Variants in ZNF354B observed in about 807,000 individuals in gnomAD.
The protein encoded by ZNF354B is zinc finger protein 354B.
ZNF354B carries 10 observed loss-of-function variants against 12.9 expected under a neutral mutation model. That is an observed-to-expected ratio of 0.77 (90% CI 0.48 to 1.31). ZNF354B has a LOEUF of 1.31. Ranked by LOEUF, ZNF354B falls within the 40% of genes most tolerant of loss-of-function variation. ZNF354B has a pLI of 0.00. For synonymous variants in ZNF354B, 260 were observed against 243.7 expected, an observed-to-expected ratio of 1.07 and a Z score of -0.62; for missense variants, 614 against 711.7, an observed-to-expected ratio of 0.86 and a Z score of 1.56.
intron 2 of ZNF354B, among the ~76,000 whole-genome samples, chr5:178,864,388 C>T (rs1757413188): frequency 3.3e-5 from 5 of 152,086 alleles, no homozygotes; most frequent in African/African-American, 7.2e-5. Context: ...CCATATAGCC[C>T]GGGTGTGTGG....
chr5:178,884,012 A>C lies in ZNF354B; in HGVS notation c.1560A>C (p.Lys520Asn). Residue 520 changes from lysine (K) to asparagine (N), a missense_variant, in exon 5 of 5, where the codon AAA becomes AAC. Coordinates refer to ENST00000322434, the MANE Select transcript of ZNF354B (RefSeq NM_058230.3). ...ACCAGAGAATTCATACTGGAGAGAAACCATATCGATGTTTAGAATGTGGGA... is the reference window on the plus strand; with the variant it reads ...ACCAGAGAATTCATACTGGAGAGAACCCATATCGATGTTTAGAATGTGGGA... ...SNHQRIHTGE[K>N]PYRCLECGMS... The C allele has an allele frequency of 1.2e-6, 2 of 1,614,130 alleles. No homozygotes were observed. The highest frequency in any genetic ancestry group is 2.2e-5 in the South Asian group (2 of 91,082).
At chr5:178,868,359 T>C (rs1186069075) in intron 4 of ZNF354B, among the ~76,000 whole-genome samples, 1 of 148,098 alleles carries the variant, frequency 6.8e-6, no homozygotes, top group Non-Finnish European at 1.5e-5. Flanking sequence ...GGAGGGGCCA[T>C]CGTGGCAGTG....
chr5:178,871,725 C>T (rs994475278), intron 4 of ZNF354B, among the ~76,000 whole-genome samples: 2 of 152,198 alleles, frequency 1.3e-5, no homozygotes, highest in Non-Finnish European at 2.9e-5. Flanking sequence ...GAGATACAGC[C>T]AGCAGGACTT....
At chr5:178,860,507 C>T (rs1033046043) in intron 1 of ZNF354B, among the ~76,000 whole-genome samples, 3 of 152,288 alleles carry the variant, frequency 2.0e-5, no homozygotes, top group African/African-American at 7.2e-5. Flanking sequence ...GCGCTTTCCT[C>T]TTCAAAGCCG....
At chr5:178,867,645 C>G (rs551306303) in intron 4 of ZNF354B, among the ~76,000 whole-genome samples, 3 of 152,280 alleles carry the variant, frequency 2.0e-5, no homozygotes, top group African/African-American at 7.2e-5. Flanking sequence ...ACCCTGAAAA[C>G]AAGAGTCCAG....
chr5:178,868,156 G>C (rs1285713570), intron 4 of ZNF354B, among the ~76,000 whole-genome samples: 1 of 151,488 alleles, frequency 6.6e-6, no homozygotes, highest in African/African-American at 2.4e-5. Context: ...ACCCTGGTGG[G>C]CAGGTGTGTA....
At chr5:178,876,927 C>CAT (rs1757646066) in intron 4 of ZNF354B, among the ~76,000 whole-genome samples, 1 of 141,416 alleles carries the variant, frequency 7.1e-6, no homozygotes. Flanking sequence ...TTTTTTATGC[C>CAT]TTTTTTTTTT....
rs370798849 is a variant in ZNF354B at position 178,878,522 on chromosome 5, CAT to C, written c.257-4186_257-4185del. On this transcript the variant is annotated intron_variant, in intron 4 of 4. Transcript: ENST00000322434. Reference sequence around the variant, plus strand: ...GTTTGATATTTACTCTTTAAATGTACATTTTATGGCACTTAACCTCGGTGCCC... The same window carrying C: ...GTTTGATATTTACTCTTTAAATGTACTTTATGGCACTTAACCTCGGTGCCC... Among the ~76,000 whole-genome samples, 3 of 152,278 alleles carry C rather than the reference CAT, an allele frequency of 2.0e-5. No homozygotes were observed. The East Asian group carries it at 5.8e-4, about 29-fold the overall frequency.
intron 2 of ZNF354B, among the ~76,000 whole-genome samples, chr5:178,863,542 G>A (rs991054001): frequency 2.6e-5 from 4 of 152,190 alleles, no homozygotes; most frequent in Admixed American, 6.5e-5. Flanking sequence ...CAGCATATGC[G>A]ATTGTACAGT....
chr5:178,862,603 C>G (rs926381405), intron 2 of ZNF354B, among the ~76,000 whole-genome samples: 2 of 152,284 alleles, frequency 1.3e-5, no homozygotes, highest in East Asian at 1.9e-4. Context: ...CTCCTGACCT[C>G]GTGATCCACC....
chr5:178,870,473 T>C (rs757599792), intron 4 of ZNF354B, among the ~76,000 whole-genome samples: 2 of 152,314 alleles, frequency 1.3e-5, no homozygotes, highest in Admixed American at 6.5e-5. Context: ...AGAGACCGCG[T>C]TTTGCCATGT....
Position 178,866,345 on chromosome 5 carries a change from G to T in ZNF354B, c.135G>T (p.Glu45Asp), listed in dbSNP as rs1275186622. ...ACTTGTACCGGGATGTGATGCTGGA[G>T]AACTATAGGAACCTGGTCTCACTGG... ...QRNLYRDVMLENYRNLVSLGL... is the reference protein window; with the variant it reads ...QRNLYRDVMLDNYRNLVSLGL... Residue 45 changes from glutamate to aspartate, a missense_variant, in exon 3 of 5, where the codon GAG (glutamate) becomes GAT (aspartate). By Grantham distance (45) the Glu-to-Asp change is conservative. Transcript: ENST00000322434. 6.2e-7 allele frequency: 1 copy of T among 1,613,760 alleles called. No individual in the cohort carries two copies. Among genetic ancestry groups the T allele is most frequent in the Non-Finnish European group, 8.5e-7 (1 of 1,179,952 alleles).
In ZNF354B at chr5:178,883,315, AT is replaced by A. The variant is rs1561671937; in HGVS notation, c.866del (p.Leu289Ter). On this transcript the variant is annotated frameshift_variant, in exon 5 of 5. Transcript: ENST00000322434. LOFTEE classifies it low-confidence loss of function (END_TRUNC). ...AGCCATAGTGCATCCCTTTGTAAGC[AT>A]TTAAGGACCCATACTGTGGAGAAAT... ...AFSHSASLCK[H>X]LRTHTVEKCY... 6.2e-7 allele frequency: 1 copy of A among 1,614,088 alleles called. No homozygotes were observed. The highest frequency in any genetic ancestry group is 8.5e-7 in the Non-Finnish European group (1 of 1,179,982).
chr5:178,873,702 T>C (rs1757595242), intron 4 of ZNF354B, among the ~76,000 whole-genome samples: 1 of 152,188 alleles, frequency 6.6e-6, no homozygotes, highest in East Asian at 1.9e-4. Flanking sequence ...GGTAAAGTGA[T>C]TACTTCTTGT....
At chr5:178,866,462 T>A in intron 3 of ZNF354B, 92 bp downstream of exon 3, 1 of 1,519,690 alleles carries the variant, frequency 6.6e-7, no homozygotes, top group Non-Finnish European at 8.8e-7. Flanking sequence ...CACTGAAAAA[T>A]TTGAGCTCAG....
intron 4 of ZNF354B, among the ~76,000 whole-genome samples, chr5:178,878,740 T>C (rs1026830348): frequency 1.3e-5 from 2 of 152,354 alleles, no homozygotes; most frequent in Middle Eastern, 3.4e-3. Flanking sequence ...TTTGCTCTTG[T>C]TACCCAGGCT....
At chr5:178,866,861 C>T in intron 3 of ZNF354B, 115 bp from the exon 4 acceptor site, 2 of 937,038 alleles carry the variant, frequency 2.1e-6, no homozygotes, top group Non-Finnish European at 3.3e-6. Flanking sequence ...TTAATTACAT[C>T]ATACATGCAA....
chr5:178,883,825 G>T lies in ZNF354B; in HGVS notation c.1373G>T (p.Arg458Leu). The change falls in exon 5 of 5, where the codon CGA (arginine) becomes CTA (leucine). Residue 458 changes from arginine to leucine, a missense_variant. Transcript: ENST00000322434. ...CACTCAACACTTATTATTCATGAGC[G>T]AATTCATACTGGAGAAAAACCATGT... The part of the protein sequence containing the change: ...SSHSTLIIHE[R>L]IHTGEKPCKC... 1 of 1,614,118 alleles carries T rather than the reference G, an allele frequency of 6.2e-7. No homozygotes were observed. Among genetic ancestry groups the T allele is most frequent in the Non-Finnish European group, 8.5e-7 (1 of 1,180,006 alleles).
At chr5:178,872,210 G>A (rs1757574181) in intron 4 of ZNF354B, among the ~76,000 whole-genome samples, 1 of 151,952 alleles carries the variant, frequency 6.6e-6, no homozygotes, top group South Asian at 2.1e-4. Context: ...ATCATTTCAA[G>A]AATGTCATAT....
Sources: allele counts gnomAD v4.1 joint callset (sites outside exome capture counted in the v4.1 genomes callset), GRCh38; gene constraint gnomAD v4.1.1; transcripts MANE v1.5; gene names NCBI Gene and HGNC (gene_info 2026-07-23, HGNC 2026-07-21).